The following CACNA1C variants were observed in gnomAD, a reference collection of about 807,000 sequenced individuals.
The protein encoded by CACNA1C is voltage-dependent L-type calcium channel subunit alpha-1C.
In CACNA1C, 30 loss-of-function variants were observed where a neutral mutation model predicts 229.0. The ratio of observed to expected loss-of-function variants is 0.13; its 90% confidence interval spans 0.10 to 0.18. CACNA1C has a LOEUF of 0.18. Among genes scored for constraint, CACNA1C ranks in the 10% least tolerant of loss-of-function variants. The pLI is 1.00. For synonymous variants in CACNA1C, 1,114 were observed against 1,132.5 expected (o/e 0.98, Z 0.33); for missense variants, 1,658 against 2,845.0 (o/e 0.58, Z 9.49).
rs114750117 is a variant in CACNA1C at position 2,172,009 on chromosome 12, G to T, written c.477+51579G>T. On this transcript the variant is annotated intron_variant, in intron 3 of 46. Coordinates refer to ENST00000399655, the MANE Select transcript of CACNA1C (RefSeq NM_000719.7). ...GAGGACAGAGACCAGTCTCTGAACC[G>T]AGCTGTGGGAGAGCGTGAATGCAGG... Among the ~76,000 whole-genome samples, 1,267 of 152,272 alleles carry T rather than the reference G, an allele frequency of 8.3e-3. 19 individuals are homozygous for T. Among genetic ancestry groups the T allele is most frequent in the African/African-American group, 0.029 (1,209 of 41,548 alleles).
intron 1 of CACNA1C, among the ~76,000 whole-genome samples, chr12:2,110,150 A>C (rs1224995650): frequency 6.6e-6 from 1 of 152,194 alleles, no homozygotes; most frequent in Non-Finnish European, 1.5e-5. Context: ...ACTGACTCCT[A>C]ACTTGGACTC....
At chr12:2,097,329 G>T (rs1361876545) in intron 1 of CACNA1C, among the ~76,000 whole-genome samples, 6 of 151,898 alleles carry the variant, frequency 4.0e-5, no homozygotes, top group East Asian at 1.9e-4. Context: ...TGTATTTTTA[G>T]TAGAGACGGG....
intron 3 of CACNA1C, among the ~76,000 whole-genome samples, chr12:2,220,320 T>TG (rs1196323831): frequency 1.3e-5 from 2 of 152,194 alleles, no homozygotes; most frequent in African/African-American, 4.8e-5. Context: ...GTGAGGCCTG[T>TG]GCATGCTAAC....
intron 3 of CACNA1C, among the ~76,000 whole-genome samples, chr12:2,427,403 T>C (rs955326234): frequency 6.6e-6 from 1 of 152,180 alleles, no homozygotes; most frequent in Admixed American, 6.5e-5. Flanking sequence ...GGCAACCCTG[T>C]GTCCATTCCT....
chr12:2,257,082 T>A (rs1264579836), intron 3 of CACNA1C, among the ~76,000 whole-genome samples: 1 of 152,178 alleles, frequency 6.6e-6, no homozygotes, highest in East Asian at 1.9e-4. Context: ...TCTTCGTTGG[T>A]GGCTTTCCAG....
intron 3 of CACNA1C, among the ~76,000 whole-genome samples, chr12:2,198,111 C>A (rs1461311725): frequency 6.6e-6 from 1 of 152,212 alleles, no homozygotes; most frequent in African/African-American, 2.4e-5. Flanking sequence ...GACACCCGCC[C>A]TGGCTGGGAG....
intron 1 of CACNA1C, chr12:2,020,122 G>T (rs2046181718): frequency 6.6e-6 from 1 of 152,126 alleles, no homozygotes; most frequent in South Asian, 2.1e-4. Flanking sequence ...ACTGAAGGAG[G>T]CAAGAATATG....
At chr12:2,338,292 G>A (rs543563110) in intron 3 of CACNA1C, among the ~76,000 whole-genome samples, 3 of 152,236 alleles carry the variant, frequency 2.0e-5, no homozygotes, top group East Asian at 3.9e-4. Flanking sequence ...TGAAGAAAAC[G>A]GACATCTGTA....
chr12:2,047,227 T>G (rs919645727), intron 1 of CACNA1C, among the ~76,000 whole-genome samples: 3 of 152,226 alleles, frequency 2.0e-5, no homozygotes, highest in Admixed American at 2.0e-4. Context: ...GTAAGTCTCT[T>G]TGGCAGGGCT....
chr12:2,615,517 C>A (rs2080004965), intron 29 of CACNA1C, among the ~76,000 whole-genome samples: 2 of 152,236 alleles, frequency 1.3e-5, no homozygotes, highest in Non-Finnish European at 1.5e-5. Context: ...TCTCCTCAAA[C>A]TGATCCATAG....
chr12:2,190,999 C>T (rs1245933648), intron 3 of CACNA1C, among the ~76,000 whole-genome samples: 7 of 152,162 alleles, frequency 4.6e-5, no homozygotes, highest in African/African-American at 1.4e-4. Flanking sequence ...GGGACTCAGC[C>T]TGTGGCCCTG....
chr12:2,170,744 C>T (rs779260711), intron 3 of CACNA1C, among the ~76,000 whole-genome samples: 12 of 152,208 alleles, frequency 7.9e-5, no homozygotes, highest in Non-Finnish European at 1.8e-4. Flanking sequence ...TTTCCTCTCC[C>T]ACGTTCACTG....
intron 9 of CACNA1C, among the ~76,000 whole-genome samples, chr12:2,528,620 C>G (rs1048695149): frequency 6.6e-5 from 10 of 152,296 alleles, no homozygotes; most frequent in Non-Finnish European, 1.2e-4. Flanking sequence ...CACGGAGACA[C>G]AAGTTTTGCA....
At chr12:2,583,225 G>GC (rs2061219679) in intron 15 of CACNA1C, among the ~76,000 whole-genome samples, 2 of 152,222 alleles carry the variant, frequency 1.3e-5, no homozygotes, top group Non-Finnish European at 2.9e-5. Context: ...GGCGTGTGCG[G>GC]CCACTCACAC....
intron 1 of CACNA1C, chr12:1,993,198 G>C (rs774442508): frequency 1.9e-6 from 3 of 1,607,700 alleles, no homozygotes; most frequent in Non-Finnish European, 1.7e-6. Context: ...GGCAAACACT[G>C]TACAATTTTA....
chr12:2,597,345 T>C lies in CACNA1C; in HGVS notation c.2853+56T>C. On this transcript the variant is annotated intron_variant, in intron 21 of 46. Coordinates refer to ENST00000399655, the MANE Select transcript of CACNA1C (RefSeq NM_000719.7). This position sits in a 1 kb window ranked among gnomAD's most constrained non-coding sequence, Gnocchi z 4.3. ...GTCCCCCTTGTGCCAGCACCAGGTC[T>C]CTGCCGCTGTCTGTCGCTAACACAC... 6.7e-7 allele frequency: 1 copy of C among 1,491,334 alleles called. No homozygotes were observed. Among genetic ancestry groups the C allele is most frequent in the Non-Finnish European group, 9.4e-7 (1 of 1,068,116 alleles). The allele number at this position is 1,491,334 out of a possible 1,614,324, so 92.4% of individuals were successfully genotyped here.
chr12:2,151,371 A>G (rs1363326503), intron 3 of CACNA1C, among the ~76,000 whole-genome samples: 6 of 151,934 alleles, frequency 3.9e-5, no homozygotes, highest in Admixed American at 3.3e-4. Flanking sequence ...TGAAAAAAAA[A>G]AAAAAAGGGA....
At chr12:2,338,337 A>G (rs2096762407) in intron 3 of CACNA1C, among the ~76,000 whole-genome samples, 1 of 152,204 alleles carries the variant, frequency 6.6e-6, no homozygotes, top group Admixed American at 6.5e-5. Flanking sequence ...GTCCATAGCA[A>G]GAAGAGACCC....
At chr12:2,663,755 T>G (rs1280789713) in intron 34 of CACNA1C, among the ~76,000 whole-genome samples, 2 of 79,026 alleles carry the variant, frequency 2.5e-5, no homozygotes, top group Non-Finnish European at 3.3e-5. Context: ...TTTTTTTTTT[T>G]TTTTGAGACG....
Sources: gnomAD v4.1 joint callset for allele counts (sites outside exome capture counted in the v4.1 genomes callset) on GRCh38, gnomAD v4.1.1 for gene constraint, Gnocchi (gnomAD v3.1) non-coding constraint, MANE v1.5 for transcripts, NCBI Gene and HGNC (gene_info 2026-07-23, HGNC 2026-07-21) for gene names.